CXADR: variants seen among roughly 807,000 people sequenced by gnomAD.
CXADR encodes coxsackievirus and adenovirus receptor.
In CXADR, 20 loss-of-function variants were observed where a neutral mutation model predicts 40.3. That is an observed-to-expected ratio of 0.50 (90% CI 0.35 to 0.72). The LOEUF is 0.72. CXADR is among the 30% of genes least tolerant of loss of function. CXADR has a pLI of 0.01. For synonymous variants in CXADR, 150 were observed against 161.3 expected, an observed-to-expected ratio of 0.93 and a Z score of 0.53; for missense variants, 332 against 449.1, an observed-to-expected ratio of 0.74 and a Z score of 2.36.
chr21:17,611,278 GA>G, the CXADR span, among the ~76,000 whole-genome samples: 1 of 152,116 alleles, frequency 6.6e-6, no homozygotes, highest in Non-Finnish European at 1.5e-5. Flanking sequence ...AGCAAACAAG[GA>G]ACCACACTAA....
At chr21:17,529,980 G>A (rs904869783) in intron 1 of CXADR, among the ~76,000 whole-genome samples, 1 of 149,358 alleles carries the variant, frequency 6.7e-6, no homozygotes, top group South Asian at 2.1e-4. Context: ...ATGGAGTCTC[G>A]CTCTGTTGCT....
At chr21:17,609,106 T>C in the CXADR span, 1 of 1,613,324 alleles carries the variant, frequency 6.2e-7, no homozygotes, top group Non-Finnish European at 8.5e-7. Context: ...GAACTAGCCT[T>C]GTGAAAAAGA....
chr21:17,595,095 T>G (rs967044261), downstream of CXADR, among the ~76,000 whole-genome samples: 1 of 152,102 alleles, frequency 6.6e-6, no homozygotes, highest in Non-Finnish European at 1.5e-5. Context: ...CCAGGTATTT[T>G]GACAAAGCTC....
chr21:17,588,204 G>C (rs1214828001), intron 7 of CXADR, among the ~76,000 whole-genome samples: 7 of 152,090 alleles, frequency 4.6e-5, no homozygotes, highest in East Asian at 1.9e-4. Context: ...TTAGGATTGA[G>C]TTGGCAATGC....
intron 1 of CXADR, among the ~76,000 whole-genome samples, chr21:17,546,666 G>A (rs2060900958): frequency 6.6e-6 from 1 of 152,124 alleles, no homozygotes; most frequent in Non-Finnish European, 1.5e-5. Flanking sequence ...CATGAGATTT[G>A]GGCGGGGTCA....
At chr21:17,551,532 G>C (rs1330815424) in intron 2 of CXADR, among the ~76,000 whole-genome samples, 2 of 152,192 alleles carry the variant, frequency 1.3e-5, no homozygotes, top group Non-Finnish European at 2.9e-5. Flanking sequence ...ATTAAAAATA[G>C]AAGTCTGGGA....
intron 1 of CXADR, among the ~76,000 whole-genome samples, chr21:17,517,395 A>G (rs977525184): frequency 1.3e-4 from 20 of 152,178 alleles, no homozygotes; most frequent in Non-Finnish European, 2.5e-4. Context: ...GATCCAACCC[A>G]GAGGTAGGTT....
chr21:17,600,798 T>C, the CXADR span, among the ~76,000 whole-genome samples: 1 of 152,228 alleles, frequency 6.6e-6, no homozygotes, highest in South Asian at 2.1e-4. Context: ...ATAGGCCAAA[T>C]GAAACTATAA....
At chr21:17,535,770 C>A (rs544584952) in intron 1 of CXADR, among the ~76,000 whole-genome samples, 2 of 152,254 alleles carry the variant, frequency 1.3e-5, no homozygotes, top group African/African-American at 2.4e-5. Context: ...ATTTTGATAG[C>A]CCCAGGCAGG....
chr21:17,573,190 C>CG (rs111540533), downstream of CXADR, among the ~76,000 whole-genome samples: 5,827 of 151,696 alleles, frequency 0.038, 369 homozygotes, highest in African/African-American at 0.13. Flanking sequence ...TGTACATTTC[C>CG]ATTTTTTTAA....
intron 1 of CXADR, among the ~76,000 whole-genome samples, chr21:17,528,843 A>G (rs1020688247): frequency 1.4e-4 from 21 of 151,852 alleles, no homozygotes; most frequent in Non-Finnish European, 1.5e-4. Flanking sequence ...CCCAACTCTC[A>G]CACCCCTACT....
the CXADR span, chr21:17,611,594 C>G: frequency 1.6e-4 from 25 of 152,270 alleles, no homozygotes; most frequent in African/African-American, 6.0e-4. Flanking sequence ...GCAAGAACCA[C>G]CAGAGGCAAG....
the CXADR span, among the ~76,000 whole-genome samples, chr21:17,600,933 G>C: frequency 6.6e-6 from 1 of 152,226 alleles, no homozygotes; most frequent in African/African-American, 2.4e-5. Context: ...GGAGGCCAAG[G>C]CGGGTGGATC....
intron 1 of CXADR, among the ~76,000 whole-genome samples, chr21:17,520,844 T>C (rs377044727): frequency 2.0e-5 from 3 of 152,310 alleles, no homozygotes; most frequent in South Asian, 4.1e-4. Flanking sequence ...TGTATAATGA[T>C]GTCACTAACC....
At chr21:17,609,335 A>C in the CXADR span, among the ~76,000 whole-genome samples, 1 of 152,198 alleles carries the variant, frequency 6.6e-6, no homozygotes, top group African/African-American at 2.4e-5. Flanking sequence ...AGGCCTTATT[A>C]TAAAATACTA....
At chr21:17,584,842 CA>C (rs1388373905) in intron 7 of CXADR, among the ~76,000 whole-genome samples, 1 of 152,080 alleles carries the variant, frequency 6.6e-6, no homozygotes, top group Non-Finnish European at 1.5e-5. Context: ...AACAAACAAA[CA>C]AAAACTCAAA....
At chr21:17,530,480 T>C (rs1305238905) in intron 1 of CXADR, 2 of 449,054 alleles carry the variant, frequency 4.5e-6, no homozygotes, top group East Asian at 1.4e-4. Context: ...TTTATTCTAC[T>C]GATGGACCCT....
At chr21:17,563,961 A>AAAAAAAAAAAAAAAAAAAAT (rs2061164435) in intron 6 of CXADR, among the ~76,000 whole-genome samples, 2 of 142,826 alleles carry the variant, frequency 1.4e-5, no homozygotes, top group Non-Finnish European at 1.6e-5. Flanking sequence ...AAAAAAAAAA[A>AAAAAAAAAAAAAAAAAAAAT]GGTATTGATA....
At chr21:17,629,854 A>G in the CXADR span, among the ~76,000 whole-genome samples, 1 of 152,052 alleles carries the variant, frequency 6.6e-6, no homozygotes, top group Non-Finnish European at 1.5e-5. Context: ...TAAATAAAAC[A>G]AAGTGGAGAG....
Sources: allele counts gnomAD v4.1 joint callset (sites outside exome capture counted in the v4.1 genomes callset), GRCh38; gene constraint gnomAD v4.1.1; transcripts MANE v1.5; gene names NCBI Gene and HGNC (gene_info 2026-07-23, HGNC 2026-07-21).